The following CBLN2 variants were observed in gnomAD, a reference collection of about 807,000 sequenced individuals.
CBLN2 encodes the protein cerebellin-2.
In CBLN2, 7 loss-of-function variants were observed where a neutral mutation model predicts 15.0. The ratio of observed to expected loss-of-function variants is 0.47; its 90% CI spans 0.27 to 0.88. The LOEUF (loss-of-function observed/expected upper bound fraction) is 0.88, where lower values mean the gene tolerates loss of function less well. Ranked by LOEUF, CBLN2 falls within the 40% of genes least tolerant of loss-of-function variation. CBLN2 has a pLI of 0.14. For missense variants in CBLN2, 242 were observed against 304.5 expected (o/e 0.79, Z 1.53); for synonymous variants, 149 against 135.2 (o/e 1.10, Z -0.71).
chr18:72,619,259 A>AGCC lies in CBLN2; in HGVS notation c.15+19063_15+19065dup. The AGCC allele has an allele frequency of 3.5e-6, 3 of 864,520 alleles. No individual in the cohort carries two copies. In the South Asian group the frequency reaches 4.0e-5, roughly 11 times the overall value. The allele number at this position is 864,520 out of a possible 1,614,324, so 53.6% of individuals were successfully genotyped here. On this transcript the variant is annotated intron_variant, in intron 1 of 2. Transcript: ENST00000581073. ...GAAACAAAGCTTAGCAGGAGAGGAG[A>AGCC]GCCAGAGAAGTGACGGGGAAGCTAC...
rs2069135300 is a variant in CBLN2, at chr18:72,543,631, C to T, written c.-211-101G>A. 2.6e-6 allele frequency: 1 copy of T among 386,092 alleles called. No homozygotes were observed. The highest frequency in any genetic ancestry group is 4.6e-6 in the Non-Finnish European group (1 of 218,306). The allele number at this position is 386,092 out of a possible 1,614,324, so 23.9% of individuals were successfully genotyped here. A position where few individuals can be genotyped will look rare whatever the true frequency, so the allele number is the denominator to read the frequency against. On this transcript the variant is annotated intron_variant, in intron 1 of 4. Coordinates refer to ENST00000269503, the MANE Select transcript of CBLN2 (RefSeq NM_182511.4). The surrounding 1 kb of genome is among the most constrained non-coding windows in gnomAD (Gnocchi z 6.8). Reference sequence around the variant, plus strand: ...CCAATAACCGCGCCGCCCCGCCCTGCCGCTTTCCCGCGCCAGCCTGCGCCG... The same window carrying T: ...CCAATAACCGCGCCGCCCCGCCCTGTCGCTTTCCCGCGCCAGCCTGCGCCG...
intron 1 of CBLN2, among the ~76,000 whole-genome samples, chr18:72,621,065 A>G (rs1283436971): frequency 6.6e-6 from 1 of 152,198 alleles, no homozygotes; most frequent in African/African-American, 2.4e-5. Context: ...CTGGATTGGA[A>G]TTACATGGAA....
At chr18:72,607,705 C>T (rs1184463911) in intron 1 of CBLN2, among the ~76,000 whole-genome samples, 1 of 145,340 alleles carries the variant, frequency 6.9e-6, no homozygotes, top group East Asian at 2.1e-4. Context: ...TTCTCTCTTT[C>T]TCTCTCTCTC....
chr18:72,578,221 C>T (rs1309946800), intron 1 of CBLN2, among the ~76,000 whole-genome samples: 2 of 152,180 alleles, frequency 1.3e-5, no homozygotes, highest in Non-Finnish European at 2.9e-5. Flanking sequence ...GCAAAGTTTT[C>T]ATACAAGTGT....
At chr18:72,554,505 T>C (rs1203654176) in intron 1 of CBLN2, among the ~76,000 whole-genome samples, 1 of 152,132 alleles carries the variant, frequency 6.6e-6, no homozygotes, top group East Asian at 1.9e-4. Context: ...TACATTACGT[T>C]AATTAGCCTA....
chr18:72,560,305 A>G (rs914838318), intron 1 of CBLN2, among the ~76,000 whole-genome samples: 7 of 152,170 alleles, frequency 4.6e-5, no homozygotes, highest in African/African-American at 7.2e-5. Context: ...TGTGTTTAAT[A>G]AGGTGCATGA....
Position 72,542,226 on chromosome 18 carries a change from G to T in CBLN2, c.-66C>A. 5 of 1,064,988 alleles carry T rather than the reference G, an allele frequency of 4.7e-6. No homozygotes were observed. Among genetic ancestry groups the T allele is most frequent in the East Asian group, 4.5e-5 (1 of 22,328 alleles). 66.0% of individuals were successfully genotyped at this position (1,064,988 alleles called of 1,614,324 possible). ...GCCGGCGCGAGCGGCGCGGAAGGGC[G>T]CGAAGGAACGCGCGGAGCTCGCAGC... On this transcript the variant is annotated 5_prime_UTR_variant, in exon 3 of 5. Transcript: ENST00000269503.
chr18:72,608,961 T>C lies in CBLN2; in HGVS notation c.15+29364A>G, dbSNP rs140971881. On this transcript the variant is annotated intron_variant, in intron 1 of 2. Coordinates refer to the CBLN2 transcript ENST00000581073. Reference sequence around the variant, plus strand: ...ATCAGATGTCATGAGACTTATTCACTACCATGAGAACAATATGGGAGAATC... The same window carrying C: ...ATCAGATGTCATGAGACTTATTCACCACCATGAGAACAATATGGGAGAATC... Among the ~76,000 whole-genome samples the C allele has an allele frequency of 3.3e-3, 503 of 152,264 alleles. 6 individuals carry two copies. Among genetic ancestry groups the C allele is most frequent in the African/African-American group, 0.012 (488 of 41,550 alleles).
chr18:72,554,181 C>T (rs974015529), intron 1 of CBLN2, among the ~76,000 whole-genome samples: 13 of 150,484 alleles, frequency 8.6e-5, no homozygotes, highest in Admixed American at 3.3e-4. Flanking sequence ...TTTCATTACC[C>T]TTTTTTTTTG....
intron 1 of CBLN2, among the ~76,000 whole-genome samples, chr18:72,584,129 G>T (rs927424044): frequency 2.0e-5 from 3 of 152,040 alleles, no homozygotes; most frequent in Non-Finnish European, 4.4e-5. Flanking sequence ...CGCATTGCCT[G>T]TGCCTAGGTC....
intron 1 of CBLN2, among the ~76,000 whole-genome samples, chr18:72,612,750 T>A (rs146441285): frequency 6.6e-6 from 1 of 152,340 alleles, no homozygotes; most frequent in Non-Finnish European, 1.5e-5. Context: ...CATGATTTTG[T>A]TTGTTCTTCT....
At chr18:72,594,490 T>C (rs956775739) in intron 1 of CBLN2, among the ~76,000 whole-genome samples, 6 of 152,034 alleles carry the variant, frequency 3.9e-5, no homozygotes, top group Admixed American at 3.9e-4. Context: ...ATCAAGGTTA[T>C]ACTGTCCTTG....
intron 1 of CBLN2, among the ~76,000 whole-genome samples, chr18:72,570,381 G>T (rs1333201518): frequency 6.7e-6 from 1 of 150,310 alleles, no homozygotes; most frequent in East Asian, 2.0e-4. Context: ...GGAACTACAG[G>T]CGTATGCCAC....
intron 1 of CBLN2, among the ~76,000 whole-genome samples, chr18:72,600,039 G>A (rs376067840): frequency 6.0e-4 from 92 of 152,180 alleles, no homozygotes; most frequent in African/African-American, 2.1e-3. Context: ...TGTGGTTACA[G>A]CCTGCTCATT....
At position 72,627,022 on chromosome 18, in the gene CBLN2, T is replaced by C. The variant is rs187865076; in HGVS notation, c.15+11303A>G. Among the ~76,000 whole-genome samples, 258 of 152,340 alleles carry C rather than the reference T, an allele frequency of 1.7e-3. 1 individual carries two copies. Among genetic ancestry groups the C allele is most frequent in the African/African-American group, 5.6e-3 (232 of 41,584 alleles). ...TGTTGGCTTTCCCACTCAACGTTAT[T>C]TTTGTGAGACATCCATATTGTGTCA... is the stretch of plus-strand genomic sequence containing the variant. On this transcript the variant is annotated intron_variant, in intron 1 of 2. Coordinates refer to the CBLN2 transcript ENST00000581073.
At chr18:72,586,003 G>A (rs940188451) in intron 1 of CBLN2, among the ~76,000 whole-genome samples, 5 of 152,224 alleles carry the variant, frequency 3.3e-5, no homozygotes, top group African/African-American at 1.2e-4. Context: ...GTGGGGGCAG[G>A]AGGGCTTCCC....
At chr18:72,569,659 C>T (rs1475323877) in intron 1 of CBLN2, among the ~76,000 whole-genome samples, 2 of 151,874 alleles carry the variant, frequency 1.3e-5, no homozygotes, top group African/African-American at 4.8e-5. Flanking sequence ...CCACACATGG[C>T]GAAGGGGAGA....
chr18:72,596,001 G>A (rs1373723109), intron 1 of CBLN2, among the ~76,000 whole-genome samples: 1 of 152,014 alleles, frequency 6.6e-6, no homozygotes, highest in African/African-American at 2.4e-5. Flanking sequence ...TTTGATTGGA[G>A]AGTTTATATG....
intron 1 of CBLN2, among the ~76,000 whole-genome samples, chr18:72,563,094 C>T (rs562630756): frequency 2.6e-5 from 4 of 152,246 alleles, no homozygotes; most frequent in South Asian, 2.1e-4. Context: ...CATACATACG[C>T]GATGCTCTCT....
Sources: allele counts gnomAD v4.1 joint callset (sites outside exome capture counted in the v4.1 genomes callset), GRCh38; gene constraint gnomAD v4.1.1; non-coding constraint Gnocchi (gnomAD v3.1); transcripts MANE v1.5; gene names NCBI Gene and HGNC (gene_info 2026-07-23, HGNC 2026-07-21).